Variants in CREM observed in about 807,000 individuals in gnomAD.
CREM encodes cAMP-responsive element modulator.
A neutral mutation model predicts 37.3 loss-of-function variants in CREM; 13 were observed. The ratio of observed to expected loss-of-function variants is 0.35; its 90% confidence interval spans 0.23 to 0.55. CREM has a LOEUF of 0.55. CREM is among the 20% of genes least tolerant of loss of function. The pLI is 0.88. For synonymous variants in CREM, 124 were observed against 120.2 expected, an observed-to-expected ratio of 1.03 and a Z score of -0.21; for missense variants, 296 against 362.3, an observed-to-expected ratio of 0.82 and a Z score of 1.49.
chr10:35,144,085 GT>G (rs1274667561), intron 2 of CREM, among the ~76,000 whole-genome samples: 3 of 152,234 alleles, frequency 2.0e-5, no homozygotes, highest in Non-Finnish European at 4.4e-5. Flanking sequence ...CCCATTGTCT[GT>G]GATTTATTGT....
At chr10:35,129,640 A>G (rs533220498) in intron 1 of CREM, among the ~76,000 whole-genome samples, 138 of 152,354 alleles carry the variant, frequency 9.1e-4, no homozygotes, top group African/African-American at 3.0e-3. Context: ...CCTTTTAGAT[A>G]GACTTCTTAA....
At chr10:35,151,440 A>G (rs2092593945) in intron 3 of CREM, among the ~76,000 whole-genome samples, 2 of 152,128 alleles carry the variant, frequency 1.3e-5, no homozygotes, top group Non-Finnish European at 2.9e-5. Flanking sequence ...GCTCACTGCA[A>G]CCTCTGCTCA....
intron 3 of CREM, among the ~76,000 whole-genome samples, chr10:35,157,384 A>ACTTTGGG (rs2136240356): frequency 6.6e-6 from 1 of 152,220 alleles, no homozygotes; most frequent in South Asian, 2.1e-4. Context: ...TAATCCCAGC[A>ACTTTGGG]CTTTGGGAGG....
At chr10:35,148,327 G>C (rs1190640929) in intron 2 of CREM, 41 bp from the exon 3 acceptor site, 1 of 1,585,010 alleles carries the variant, frequency 6.3e-7, no homozygotes, top group Admixed American at 1.8e-5. Context: ...AAATACTTAA[G>C]ATAGGGCCTT....
rs541929651 is a variant in CREM at position 35,128,833 on chromosome 10, C to T, written c.-55+1640C>T. Reference sequence around the variant, plus strand: ...AGCCACCGCTCCCGGCCTTTTTTTCCTAGTCTTGATTCTTTTTTTGGATAA... The same window carrying T: ...AGCCACCGCTCCCGGCCTTTTTTTCTTAGTCTTGATTCTTTTTTTGGATAA... On this transcript the variant is annotated intron_variant, in intron 1 of 7. Coordinates refer to ENST00000685392, the MANE Select transcript of CREM (RefSeq NM_183011.2). Among the ~76,000 whole-genome samples, 13 of 152,174 alleles carry T rather than the reference C, an allele frequency of 8.5e-5. No homozygotes were observed. The East Asian group carries it at 1.9e-3, about 23-fold the overall frequency.
In CREM at chr10:35,148,165, A is replaced by G. The variant is rs145758875; in HGVS notation, c.45-203A>G. Among the ~76,000 whole-genome samples, 232 of 152,296 alleles carry G rather than the reference A, an allele frequency of 1.5e-3. 4 individuals are homozygous for G. In the East Asian group the frequency reaches 0.032, roughly 21 times the overall value. On this transcript the variant is annotated intron_variant, in intron 2 of 7. Transcript: ENST00000685392. ...GTAATTTTATACAATATTTTTAATG[A>G]TTTTGTACAGGATACAAAGTTTTGA...
intron 3 of CREM, among the ~76,000 whole-genome samples, chr10:35,169,506 G>A (rs2093701087): frequency 6.6e-6 from 1 of 152,146 alleles, no homozygotes; most frequent in African/African-American, 2.4e-5. Flanking sequence ...TGAGACGATG[G>A]GGTTTTCTAA....
intron 3 of CREM, among the ~76,000 whole-genome samples, chr10:35,176,500 C>G (rs912683124): frequency 6.6e-6 from 1 of 151,468 alleles, no homozygotes; most frequent in Admixed American, 6.6e-5. Context: ...CTCCACCTCC[C>G]GGGTTCACGC....
At chr10:35,197,700 G>A (rs1469374693) in intron 6 of CREM, among the ~76,000 whole-genome samples, 1 of 152,084 alleles carries the variant, frequency 6.6e-6, no homozygotes, top group African/African-American at 2.4e-5. Flanking sequence ...CTCGTGATCC[G>A]CCTGCCTCGG....
chr10:35,206,205 G>T (rs535177083), intron 6 of CREM, among the ~76,000 whole-genome samples: 1 of 149,328 alleles, frequency 6.7e-6, no homozygotes, highest in Admixed American at 6.7e-5. Context: ...CCAAGATCGC[G>T]CCACTGCACT....
intron 7 of CREM, among the ~76,000 whole-genome samples, chr10:35,208,863 T>C (rs1258508281): frequency 1.3e-5 from 2 of 152,224 alleles, no homozygotes; most frequent in African/African-American, 2.4e-5. Context: ...AATCTCAGTT[T>C]CAGAGCAAGA....
chr10:35,188,753 G>A (rs1017118113), intron 6 of CREM, among the ~76,000 whole-genome samples: 3 of 151,600 alleles, frequency 2.0e-5, no homozygotes, highest in Admixed American at 2.0e-4. Context: ...TGTCTCCTGG[G>A]TTCAAGTGAT....
At chr10:35,208,238 C>T (rs924077828) in intron 7 of CREM, among the ~76,000 whole-genome samples, 4 of 152,142 alleles carry the variant, frequency 2.6e-5, no homozygotes, top group Non-Finnish European at 2.9e-5. Context: ...TCATCCATGG[C>T]TCTAACCACT....
intron 3 of CREM, among the ~76,000 whole-genome samples, chr10:35,175,211 G>T (rs1403021916): frequency 1.3e-5 from 2 of 152,322 alleles, no homozygotes; most frequent in Admixed American, 1.3e-4. Flanking sequence ...ACTTTGGGAG[G>T]CCAAGGTGGG....
intron 2 of CREM, among the ~76,000 whole-genome samples, chr10:35,138,751 C>G (rs1469371142): frequency 3.3e-5 from 5 of 151,210 alleles, no homozygotes; most frequent in African/African-American, 1.2e-4. Context: ...AGGCCGGGTG[C>G]AGTGGCTTAA....
At chr10:35,211,078 T>C (rs1029454773) in intron 7 of CREM, among the ~76,000 whole-genome samples, 176 bp from the exon 8 acceptor site, 1 of 152,220 alleles carries the variant, frequency 6.6e-6, no homozygotes, top group African/African-American at 2.4e-5. Context: ...ATCATTCCTG[T>C]TGTCTAATGG....
At chr10:35,191,208 C>T (rs2094905608) in intron 6 of CREM, among the ~76,000 whole-genome samples, 1 of 151,576 alleles carries the variant, frequency 6.6e-6, no homozygotes, top group Admixed American at 6.6e-5. Context: ...GTTTTGTTGC[C>T]ATTACAATGG....
At chr10:35,129,484 C>T (rs898336481) in intron 1 of CREM, among the ~76,000 whole-genome samples, 7 of 152,176 alleles carry the variant, frequency 4.6e-5, no homozygotes, top group Admixed American at 4.6e-4. Context: ...GGAATCCTGA[C>T]TGAATCTTTA....
chr10:35,193,191 C>G (rs2094994271), intron 6 of CREM, among the ~76,000 whole-genome samples: 1 of 152,130 alleles, frequency 6.6e-6, no homozygotes, highest in African/African-American at 2.4e-5. Context: ...AGCACAGACC[C>G]TGGCATGTGA....
Sources: allele counts gnomAD v4.1 joint callset (sites outside exome capture counted in the v4.1 genomes callset), GRCh38; gene constraint gnomAD v4.1.1; transcripts MANE v1.5; gene names NCBI Gene and HGNC (gene_info 2026-07-23, HGNC 2026-07-21).